Variants in RAB11FIP4 observed in about 807,000 individuals in gnomAD.
The protein encoded by RAB11FIP4 is rab11 family-interacting protein 4.
A neutral mutation model predicts 74.3 loss-of-function variants in RAB11FIP4; 23 were observed. That is an observed-to-expected ratio of 0.31 (90% CI 0.22 to 0.44). RAB11FIP4 has a LOEUF of 0.44. Ranked by LOEUF, RAB11FIP4 falls within the 20% of genes least tolerant of loss-of-function variation. The pLI is 1.00. For missense variants in RAB11FIP4, 630 were observed against 863.9 expected, an observed-to-expected ratio of 0.73 and a Z score of 3.39; for synonymous variants, 360 against 359.9, an observed-to-expected ratio of 1.00 and a Z score of 0.00.
At chr17:31,488,511 G>A in intron 3 of RAB11FIP4, 1 of 315,376 alleles carries the variant, frequency 3.2e-6, no homozygotes, top group Non-Finnish European at 4.9e-6. Flanking sequence ...TCGTCTGCTG[G>A]GGCGCCTCCC....
chr17:31,474,874 AC>A lies in RAB11FIP4; in HGVS notation c.336+40753del, dbSNP rs57502757. The stretch of plus-strand genomic sequence containing the variant: ...ACAAAACAAAACAAAACAAAACAAA[AC>A]AAAAAACAAAAAAAAAACAGAGATT... On this transcript the variant is annotated intron_variant, in intron 3 of 14. Transcript: ENST00000621161. Among the ~76,000 whole-genome samples, 61 of 125,508 alleles carry A rather than the reference AC, an allele frequency of 4.9e-4. No homozygotes were observed. In the East Asian group the frequency reaches 0.011, roughly 23 times the overall value. The allele number at this position is 125,508 out of a possible 152,430, so 82.3% of individuals were successfully genotyped here. A position where few individuals can be genotyped will look rare whatever the true frequency, so the allele number is the denominator to read the frequency against.
At chr17:31,400,468 G>C (rs2070974272) in intron 1 of RAB11FIP4, among the ~76,000 whole-genome samples, 1 of 152,182 alleles carries the variant, frequency 6.6e-6, no homozygotes, top group Non-Finnish European at 1.5e-5. Flanking sequence ...GCCCCCAAAG[G>C]GTTCTGAGCG....
At chr17:31,456,885 G>T (rs947174773) in intron 3 of RAB11FIP4, among the ~76,000 whole-genome samples, 14 of 152,138 alleles carry the variant, frequency 9.2e-5, no homozygotes, top group Non-Finnish European at 2.1e-4. Context: ...ATGGAAGCGG[G>T]AGCATTGCAG....
chr17:31,507,286 G>GA (rs1292469742), intron 3 of RAB11FIP4, among the ~76,000 whole-genome samples: 1 of 151,176 alleles, frequency 6.6e-6, no homozygotes, highest in African/African-American at 2.4e-5. Flanking sequence ...CTCAAAAAAA[G>GA]AAAAAAAAGG....
At chr17:31,406,119 G>A (rs566731448) in intron 1 of RAB11FIP4, among the ~76,000 whole-genome samples, 2 of 152,386 alleles carry the variant, frequency 1.3e-5, no homozygotes, top group African/African-American at 4.8e-5. Context: ...GGGGCCCAGG[G>A]ATACTTTGCT....
chr17:31,426,599 C>CT (rs59839758), intron 1 of RAB11FIP4, among the ~76,000 whole-genome samples: 83,691 of 121,906 alleles, frequency 0.69, 30,092 homozygotes, highest in Non-Finnish European at 0.78. Context: ...TTTTCTTTTC[C>CT]TTTTTTTTTT....
intron 1 of RAB11FIP4, among the ~76,000 whole-genome samples, chr17:31,414,418 C>T (rs529040467): frequency 3.5e-4 from 54 of 152,340 alleles, no homozygotes; most frequent in African/African-American, 1.3e-3. Flanking sequence ...GACAGATGGG[C>T]GGATGCCTGC....
At chr17:31,445,564 ATATATATATATATATTTTTTTTTT>A (rs1483612901) in intron 3 of RAB11FIP4, among the ~76,000 whole-genome samples, 8 of 13,120 alleles carry the variant, frequency 6.1e-4, no homozygotes, top group South Asian at 2.8e-3. Flanking sequence ...ATATATATAT[ATATATATATATATATTTTTTTTTT>A]TTTTTTTTTT....
chr17:31,487,813 C>A (rs1265004181), intron 3 of RAB11FIP4, among the ~76,000 whole-genome samples: 1 of 151,996 alleles, frequency 6.6e-6, no homozygotes, highest in Non-Finnish European at 1.5e-5. Context: ...CTGAGCTGGG[C>A]GCGCCCAGGC....
intron 3 of RAB11FIP4, among the ~76,000 whole-genome samples, chr17:31,486,646 C>A (rs183960639): frequency 3.3e-5 from 5 of 152,306 alleles, no homozygotes; most frequent in African/African-American, 1.2e-4. Flanking sequence ...CGGACCCAAA[C>A]AAGAGAAACA....
intron 3 of RAB11FIP4, among the ~76,000 whole-genome samples, chr17:31,461,168 C>G (rs2071631049): frequency 6.6e-6 from 1 of 151,934 alleles, no homozygotes; most frequent in South Asian, 2.1e-4. Context: ...CCCCACCTGT[C>G]TGATAAAATA....
intron 1 of RAB11FIP4, among the ~76,000 whole-genome samples, chr17:31,403,797 G>A (rs2071018016): frequency 6.6e-6 from 1 of 152,130 alleles, no homozygotes; most frequent in Admixed American, 6.5e-5. Flanking sequence ...GTTCTTAGAA[G>A]GTCAGAGGAG....
intron 3 of RAB11FIP4, among the ~76,000 whole-genome samples, chr17:31,489,281 A>G (rs1443380943): frequency 1.3e-5 from 2 of 152,194 alleles, no homozygotes; most frequent in Non-Finnish European, 2.9e-5. Flanking sequence ...TGGGGCAGGC[A>G]CATTCCTTAG....
At chr17:31,439,637 G>A (rs1378470186) in intron 3 of RAB11FIP4, among the ~76,000 whole-genome samples, 3 of 152,108 alleles carry the variant, frequency 2.0e-5, no homozygotes, top group Non-Finnish European at 4.4e-5. Flanking sequence ...TTTTGAGGCA[G>A]TCTCGCTCTA....
chr17:31,472,586 A>G (rs759162855), intron 3 of RAB11FIP4, among the ~76,000 whole-genome samples: 1 of 152,234 alleles, frequency 6.6e-6, no homozygotes, highest in Non-Finnish European at 1.5e-5. Context: ...AAGCAAGACC[A>G]TGAACACGGA....
At position 31,521,343 on chromosome 17, in the gene RAB11FIP4, G is replaced by A. The variant is rs2072661704; in HGVS notation, c.741G>A (p.Gly247=). 6.2e-7 allele frequency: 1 copy of A among 1,605,278 alleles called. No individual in the cohort carries two copies. The highest frequency in any genetic ancestry group is 1.7e-5 in the Admixed American group (1 of 58,590). Residue 247 remains glycine (G), a synonymous_variant, in exon 5 of 15, where the codon GGG becomes GGA. Coordinates refer to ENST00000621161, the MANE Select transcript of RAB11FIP4 (RefSeq NM_032932.6). ...ETRTNVYSDL[G]SSVSSSAGQT... is the part of the protein sequence containing the mutation. ...GGACCAACGTCTACTCGGACCTGGGGTCTTCGGTGTCTTCCAGGTGGCCCC... is the reference window on the plus strand; with the variant it reads ...GGACCAACGTCTACTCGGACCTGGGATCTTCGGTGTCTTCCAGGTGGCCCC...
In RAB11FIP4 at chr17:31,522,068, T is replaced by C; in HGVS notation, c.893+19T>C. The C allele has an allele frequency of 1.2e-6, 2 of 1,613,640 alleles. No homozygotes were observed. Among genetic ancestry groups the C allele is most frequent in the Non-Finnish European group, 1.7e-6 (2 of 1,179,948 alleles). On this transcript the variant is annotated intron_variant, in intron 6 of 14. Transcript: ENST00000621161. ...CCAACAGGTGAGGCCCAGGCCCAGCTGGGGGGTGAGAGGCCGGGGGGCCAG... is the reference window on the plus strand; with the variant it reads ...CCAACAGGTGAGGCCCAGGCCCAGCCGGGGGGTGAGAGGCCGGGGGGCCAG...
chr17:31,522,328 C>T, intron 6 of RAB11FIP4, 32 bp from the exon 7 acceptor site: 1 of 1,611,154 alleles, frequency 6.2e-7, no homozygotes, highest in South Asian at 1.1e-5. Flanking sequence ...TAGAACCCCT[C>T]TGTTCAATGA....
intron 3 of RAB11FIP4, among the ~76,000 whole-genome samples, chr17:31,444,461 A>G (rs576932199): frequency 6.6e-6 from 1 of 152,256 alleles, no homozygotes; most frequent in East Asian, 1.9e-4. Flanking sequence ...GATTAAGCCA[A>G]AGGTGGCGGG....
Sources: gnomAD v4.1 joint callset for allele counts (sites outside exome capture counted in the v4.1 genomes callset) on GRCh38, gnomAD v4.1.1 for gene constraint, MANE v1.5 for transcripts, NCBI Gene and HGNC (gene_info 2026-07-23, HGNC 2026-07-21) for gene names.